CRB1: variants seen among roughly 807,000 people sequenced by gnomAD.
CRB1 encodes protein crumbs homolog 1.
A neutral mutation model predicts 120.0 loss-of-function variants in CRB1; 83 were observed. The ratio of observed to expected loss-of-function variants is 0.69; its 90% CI spans 0.58 to 0.83. The LOEUF (loss-of-function observed/expected upper bound fraction) is 0.83, where lower values mean the gene tolerates loss of function less well. CRB1 is among the 40% of genes least tolerant of loss of function. The probability of loss-of-function intolerance (pLI) is 0.00; values close to 1 mark genes in which losing one functional copy is unlikely to be tolerated. For missense variants in CRB1, 1,699 were observed against 1,687.6 expected (o/e 1.01, Z -0.12); for synonymous variants, 625 against 612.5 (o/e 1.02, Z -0.30).
At chr1:197,405,388 C>T (rs1001544757) in intron 5 of CRB1, among the ~76,000 whole-genome samples, 10 of 151,662 alleles carry the variant, frequency 6.6e-5, no homozygotes, top group Admixed American at 5.9e-4. Context: ...CTCAATGGTG[C>T]CCAGGCTGGA....
intron 11 of CRB1, among the ~76,000 whole-genome samples, chr1:197,458,509 T>C (rs917288396): frequency 1.3e-5 from 2 of 152,104 alleles, no homozygotes; most frequent in Admixed American, 6.6e-5. Context: ...GCCACCTTCA[T>C]CTGCAATAAC....
chr1:197,439,435 T>A (rs1318853519), intron 10 of CRB1: 2 of 152,252 alleles, frequency 1.3e-5, no homozygotes, highest in Non-Finnish European at 2.9e-5. Flanking sequence ...GAAGGTTTCA[T>A]GATTTTTATT....
At chr1:197,310,300 A>C (rs1050071468) in intron 1 of CRB1, among the ~76,000 whole-genome samples, 3 of 152,192 alleles carry the variant, frequency 2.0e-5, no homozygotes, top group Non-Finnish European at 4.4e-5. Context: ...ATATAAAAAA[A>C]ACCCTGACAT....
chr1:197,230,896 G>A, the CRB1 span, among the ~76,000 whole-genome samples: 59 of 152,224 alleles, frequency 3.9e-4, 1 homozygote, highest in East Asian at 0.011. Flanking sequence ...GTCTCTTGGA[G>A]GATCAAGTTT....
the CRB1 span, among the ~76,000 whole-genome samples, chr1:197,205,491 G>T: frequency 9.2e-5 from 14 of 152,072 alleles, no homozygotes; most frequent in African/African-American, 2.9e-4. Flanking sequence ...CATTTTCTGT[G>T]TCTATTAAGA....
the CRB1 span, among the ~76,000 whole-genome samples, chr1:197,244,958 A>G: frequency 0.35 from 53,647 of 151,634 alleles, 11,676 homozygotes; most frequent in East Asian, 0.77. Flanking sequence ...TCTGCTGTCA[A>G]GCTTATCTGT....
the CRB1 span, among the ~76,000 whole-genome samples, chr1:197,238,218 A>G: frequency 2.6e-5 from 4 of 152,166 alleles, no homozygotes; most frequent in African/African-American, 7.2e-5. Flanking sequence ...CAAACTCTGT[A>G]TAGTTTTTTT....
the CRB1 span, among the ~76,000 whole-genome samples, chr1:197,247,149 CTT>C: frequency 6.6e-6 from 1 of 152,012 alleles, no homozygotes; most frequent in Non-Finnish European, 1.5e-5. Flanking sequence ...CAAAATCACT[CTT>C]TTACCATTCT....
chr1:197,447,570 A>T (rs1321567362), intron 11 of CRB1: 1 of 152,234 alleles, frequency 6.6e-6, no homozygotes, highest in Non-Finnish European at 1.5e-5. Context: ...AGCTGGTTGC[A>T]GTGGCTCACA....
intron 11 of CRB1, among the ~76,000 whole-genome samples, chr1:197,456,331 G>T (rs976014661): frequency 6.6e-6 from 1 of 152,092 alleles, no homozygotes; most frequent in African/African-American, 2.4e-5. Context: ...AAGTGATTGA[G>T]ATAATGAATG....
chr1:197,435,547 C>A lies in CRB1; in HGVS notation c.3684C>A (p.Thr1228=). The A allele has an allele frequency of 6.2e-7, 1 of 1,613,438 alleles. No individual in the cohort carries two copies. Among genetic ancestry groups the A allele is most frequent in the Non-Finnish European group, 8.5e-7 (1 of 1,179,668 alleles). The change falls in exon 9 of 12, where the codon ACC becomes ACA. Residue 1228 remains threonine (T), a synonymous_variant. Coordinates refer to ENST00000367400, the MANE Select transcript of CRB1 (RefSeq NM_201253.3). ...GTCACCAGTGTGCAAATGGAGCCAC[C>A]TGCATTAGTCATACTAATGGCTATT... ...CQSHQCANGA[T]CISHTNGYSC... is the part of the protein sequence containing the mutation.
intron 2 of CRB1, among the ~76,000 whole-genome samples, chr1:197,336,059 C>A (rs899867657): frequency 1.3e-5 from 2 of 152,236 alleles, no homozygotes; most frequent in Non-Finnish European, 2.9e-5. Context: ...TACACAACTG[C>A]AACATATTTT....
intron 7 of CRB1, 89 bp downstream of exon 7, chr1:197,428,090 T>C: frequency 6.6e-6 from 8 of 1,214,906 alleles, no homozygotes; most frequent in South Asian, 6.4e-5. Flanking sequence ...ATTCTTTGTA[T>C]ATAAAGATGA....
chr1:197,369,454 C>T (rs1475683406), intron 5 of CRB1, among the ~76,000 whole-genome samples: 2 of 152,098 alleles, frequency 1.3e-5, no homozygotes, highest in Admixed American at 6.6e-5. Flanking sequence ...AAAACCTCTT[C>T]CTGAGACCAA....
intron 1 of CRB1, among the ~76,000 whole-genome samples, chr1:197,271,006 G>T (rs1265343572): frequency 6.6e-6 from 1 of 152,110 alleles, no homozygotes; most frequent in Non-Finnish European, 1.5e-5. Flanking sequence ...ACCAGCCTGG[G>T]CAACATAACA....
chr1:197,274,654 T>C (rs373934650), intron 1 of CRB1, among the ~76,000 whole-genome samples: 5 of 152,120 alleles, frequency 3.3e-5, no homozygotes, highest in African/African-American at 9.7e-5. Context: ...TTGTCTTTTA[T>C]AGGATGCTAT....
chr1:197,278,356 A>T (rs1655338567), intron 1 of CRB1, among the ~76,000 whole-genome samples: 1 of 151,938 alleles, frequency 6.6e-6, no homozygotes, highest in Non-Finnish European at 1.5e-5. Flanking sequence ...TTGACCTAGG[A>T]CTTTCCAGTC....
At chr1:197,206,101 A>G in the CRB1 span, among the ~76,000 whole-genome samples, 2 of 151,994 alleles carry the variant, frequency 1.3e-5, no homozygotes, top group Non-Finnish European at 1.5e-5. Context: ...CAGCTGTAAT[A>G]TCTCCCATTT....
chr1:197,261,967 T>C, the CRB1 span, among the ~76,000 whole-genome samples: 1,335 of 152,254 alleles, frequency 8.8e-3, 19 homozygotes, highest in African/African-American at 0.031. Context: ...GAGCTGAAGA[T>C]AAATCTTTGT....
Sources: gnomAD v4.1 joint callset for allele counts (sites outside exome capture counted in the v4.1 genomes callset) on GRCh38, gnomAD v4.1.1 for gene constraint, MANE v1.5 for transcripts, NCBI Gene and HGNC (gene_info 2026-07-23, HGNC 2026-07-21) for gene names.